TLCD3A: variants seen among roughly 807,000 people sequenced by gnomAD.
TLCD3A encodes TLC domain-containing protein 3A.
Under a neutral mutation model 29.9 loss-of-function variants are expected in TLCD3A, and 17 were observed. That is an observed-to-expected ratio of 0.57 (90% CI 0.39 to 0.85). TLCD3A has a LOEUF of 0.85. TLCD3A is among the 40% of genes least tolerant of loss of function. The pLI is 0.00. For synonymous variants in TLCD3A, 143 were observed against 147.7 expected (o/e 0.97, Z 0.23); for missense variants, 332 against 350.8 (o/e 0.95, Z 0.43).
At chr17:736,093 G>A (rs777992025) in intron 2 of TLCD3A, among the ~76,000 whole-genome samples, 23 of 152,058 alleles carry the variant, frequency 1.5e-4, no homozygotes, top group Middle Eastern at 6.8e-3. Flanking sequence ...TTTACGCCGT[G>A]GTAAGTGTGG....
intron 4 of TLCD3A, 109 bp downstream of exon 4, chr17:740,709 CAG>C (rs3830921): frequency 0.21 from 228,065 of 1,079,258 alleles, 28,218 homozygotes; most frequent in Non-Finnish European, 0.23. Context: ...GAATGAATGG[CAG>C]AGAGAGTGAA....
chr17:732,871 C>T (rs2144103241), intron 1 of TLCD3A, 102 bp downstream of exon 1: 1 of 1,371,558 alleles, frequency 7.3e-7, no homozygotes, highest in Non-Finnish European at 9.3e-7. Context: ...GCAGGAAGCC[C>T]GGGGGCTGCT....
At position 741,791 on chromosome 17, in the gene TLCD3A, G is replaced by A. The variant is rs910363565; in HGVS notation, c.*221G>A. On this transcript the variant is annotated 3_prime_UTR_variant, in exon 5 of 5. Coordinates refer to ENST00000308278, the MANE Select transcript of TLCD3A (RefSeq NM_024792.3). ...TATTGGGTCCTGTCAGACCTCCACG[G>A]ACAGCAAAGTGGTTTTAATGCAAGC... The A allele has an allele frequency of 1.0e-5, 6 of 591,582 alleles. No homozygotes were observed. The highest frequency in any genetic ancestry group is 9.3e-5 in the African/African-American group (5 of 53,676). 36.6% of individuals were successfully genotyped at this position (591,582 alleles called of 1,614,324 possible).
At chr17:740,381 G>T in intron 3 of TLCD3A, 124 bp from the exon 4 acceptor site, 1 of 747,144 alleles carries the variant, frequency 1.3e-6, no homozygotes, top group Non-Finnish European at 2.4e-6. Context: ...ACAGTAGTCT[G>T]CGCTTGCCTA....
chr17:737,949 C>T lies in TLCD3A; in HGVS notation c.310C>T (p.Arg104Cys), dbSNP rs371723776. ...CEWCRTRDQN[R>C]APSLTLRNFL... Reference sequence around the variant, plus strand: ...ATGGTGCCGAACCAGAGACCAGAACCGTGCGCCCTCCCTCACTCTTCGAAA... The same window carrying T: ...ATGGTGCCGAACCAGAGACCAGAACTGTGCGCCCTCCCTCACTCTTCGAAA... Residue 104 changes from arginine (R) to cysteine (C), a missense_variant, in exon 3 of 5, where the codon CGT (arginine) becomes TGT (cysteine). By Grantham distance (180) the Arg-to-Cys change is radical. Coordinates refer to ENST00000308278, the MANE Select transcript of TLCD3A (RefSeq NM_024792.3). 8.7e-6 allele frequency: 14 copies of T among 1,613,932 alleles called. No individual in the cohort carries two copies. The East Asian group carries it at 1.3e-4, about 15-fold the overall frequency.
At chr17:735,578 C>CTGTT (rs1974141548) in intron 2 of TLCD3A, among the ~76,000 whole-genome samples, 1 of 152,122 alleles carries the variant, frequency 6.6e-6, no homozygotes, top group Non-Finnish European at 1.5e-5. Context: ...ATTTTAGTAG[C>CTGTT]TGTTTATAGG....
At chr17:741,279 T>C (rs1242565873) in intron 4 of TLCD3A, 22 bp from the exon 5 acceptor site, 2 of 1,612,508 alleles carry the variant, frequency 1.2e-6, no homozygotes, top group Non-Finnish European at 1.7e-6. Context: ...ACCTTACCTT[T>C]TTCCTTCCTC....
At chr17:736,298 T>G (rs1457525981) in intron 2 of TLCD3A, among the ~76,000 whole-genome samples, 1 of 152,222 alleles carries the variant, frequency 6.6e-6, no homozygotes, top group Admixed American at 6.5e-5. Context: ...TCAGGTAGTT[T>G]GAGAACCATA....
intron 2 of TLCD3A, among the ~76,000 whole-genome samples, chr17:735,211 C>T (rs1974135765): frequency 6.6e-6 from 1 of 151,870 alleles, no homozygotes; most frequent in Non-Finnish European, 1.5e-5. Context: ...TTAGTAAAGC[C>T]ATGTTGGCCA....
Position 732,633 on chromosome 17 carries a change from G to A in TLCD3A, c.-15G>A. On this transcript the variant is annotated 5_prime_UTR_variant, in exon 1 of 5. Coordinates refer to ENST00000308278, the MANE Select transcript of TLCD3A (RefSeq NM_024792.3). The stretch of plus-strand genomic sequence containing the variant: ...GCCACGCGGCGCCAGCGAGGCGGCC[G>A]GACCCGCAGCCCCGATGCTGCTGAC... 4 of 1,249,612 alleles carry A rather than the reference G, an allele frequency of 3.2e-6. No homozygotes were observed. Among genetic ancestry groups the A allele is most frequent in the Non-Finnish European group, 4.0e-6 (4 of 997,790 alleles). The allele number at this position is 1,249,612 out of a possible 1,614,324, so 77.4% of individuals were successfully genotyped here. A position where few individuals can be genotyped will look rare whatever the true frequency, so the allele number is the denominator to read the frequency against.
Position 741,480 on chromosome 17 carries a change from C to T in TLCD3A, c.684C>T (p.Phe228=). The T allele has an allele frequency of 2.5e-6, 4 of 1,614,228 alleles. No homozygotes were observed. Among genetic ancestry groups the T allele is most frequent in the Non-Finnish European group, 3.4e-6 (4 of 1,180,040 alleles). The change falls in exon 5 of 5, where the codon TTC becomes TTT. Residue 228 remains phenylalanine (F), a synonymous_variant. Transcript: ENST00000308278. ...IPFYCNVANA[F]LVAPQIYWFC... is the part of the protein sequence containing the mutation. ...TCTACTGCAACGTGGCCAATGCCTT[C>T]CTCGTAGCTCCTCAGATCTACTGGT...
chr17:735,692 C>T (rs1344569380), intron 2 of TLCD3A, among the ~76,000 whole-genome samples: 1 of 151,790 alleles, frequency 6.6e-6, no homozygotes, highest in Non-Finnish European at 1.5e-5. Context: ...AGGTCGGGTG[C>T]GGTGGCTCCT....
At position 740,566 on chromosome 17, in the gene TLCD3A, C is replaced by A; in HGVS notation, c.470C>A (p.Thr157Asn). 6.2e-7 allele frequency: 1 copy of A among 1,614,008 alleles called. No homozygotes were observed. Among genetic ancestry groups the A allele is most frequent in the Non-Finnish European group, 8.5e-7 (1 of 1,179,974 alleles). The change falls in exon 4 of 5, where the codon ACT (threonine) becomes AAT (asparagine). Residue 157 changes from threonine to asparagine, a missense_variant. Physicochemically the swap from Thr to Asn is moderately conservative, Grantham distance 65. Transcript: ENST00000308278. ...TGCATCTTCACGGCAGAACTGAGCA[C>A]TCCGTTTGTGTCGCTGGGCAGGGTT... ...VGCIFTAELS[T>N]PFVSLGRVLI...
chr17:738,604 ACT>A (rs1270519813), intron 3 of TLCD3A, among the ~76,000 whole-genome samples: 1 of 151,980 alleles, frequency 6.6e-6, no homozygotes, highest in Admixed American at 6.6e-5. Context: ...ACAGGGTTTC[ACT>A]CTGTCACCCC....
chr17:733,610 C>T (rs1410791303), intron 2 of TLCD3A, among the ~76,000 whole-genome samples: 1 of 152,182 alleles, frequency 6.6e-6, no homozygotes, highest in African/African-American at 2.4e-5. Flanking sequence ...TCTTGCTTTT[C>T]CTGCAGATTT....
chr17:740,284 G>A (rs151095230), intron 3 of TLCD3A, among the ~76,000 whole-genome samples: 1 of 152,274 alleles, frequency 6.6e-6, no homozygotes, highest in East Asian at 1.9e-4. Flanking sequence ...TTCAGAGCTT[G>A]GTGTGGGACG....
chr17:733,040 C>G (rs1280508407), intron 1 of TLCD3A, 58 bp from the exon 2 acceptor site: 2 of 1,526,762 alleles, frequency 1.3e-6, no homozygotes, highest in Admixed American at 3.9e-5. Flanking sequence ...CCGGGCCGGG[C>G]TCCCTGCGGT....
chr17:737,783 C>A, intron 2 of TLCD3A, 63 bp from the exon 3 acceptor site: 3 of 1,449,916 alleles, frequency 2.1e-6, no homozygotes, highest in African/African-American at 1.4e-5. Flanking sequence ...CCAAGCTTGG[C>A]TGTGAGCCTT....
In TLCD3A at chr17:742,246, C is replaced by A. The variant is rs1285905774; in HGVS notation, c.*676C>A. ...AGTGTGGCCAAGAGATCAGCACAAC[C>A]TTTGCAGGCTGACTTGCTAAGTCTG... On this transcript the variant is annotated 3_prime_UTR_variant, in exon 5 of 5. Transcript: ENST00000308278. The A allele has an allele frequency of 1.3e-5, 2 of 152,440 alleles. No individual in the cohort carries two copies. The highest frequency in any genetic ancestry group is 2.9e-5 in the Non-Finnish European group (2 of 68,234). 9.4% of individuals were successfully genotyped at this position (152,440 alleles called of 1,614,324 possible).
Sources: gnomAD v4.1 joint callset for allele counts (sites outside exome capture counted in the v4.1 genomes callset) on GRCh38, gnomAD v4.1.1 for gene constraint, MANE v1.5 for transcripts, NCBI Gene and HGNC (gene_info 2026-07-23, HGNC 2026-07-21) for gene names.